BCKDHB: variants seen among roughly 807,000 people sequenced by gnomAD.
BCKDHB encodes the protein 2-oxoisovalerate dehydrogenase subunit beta, mitochondrial.
In BCKDHB, 41 loss-of-function variants were observed where a neutral mutation model predicts 48.5. The ratio of observed to expected loss-of-function variants is 0.85; its 90% CI spans 0.66 to 1.10. BCKDHB has a LOEUF of 1.10. Among genes scored for constraint, BCKDHB ranks in the 50% least tolerant of loss-of-function variants. The probability of loss-of-function intolerance (pLI) is 0.00; values close to 1 mark genes in which losing one functional copy is unlikely to be tolerated. For missense variants in BCKDHB, 496 were observed against 494.2 expected, an observed-to-expected ratio of 1.00 and a Z score of -0.03; for synonymous variants, 201 against 174.8, an observed-to-expected ratio of 1.15 and a Z score of -1.18.
At chr6:80,326,201 C>T (rs373872870) in intron 9 of BCKDHB, among the ~76,000 whole-genome samples, 2,952 of 147,868 alleles carry the variant, frequency 0.02, 88 homozygotes, top group African/African-American at 0.068. Context: ...CAAAATAAAA[C>T]GTTATTTTTA....
At chr6:80,428,772 C>A in the BCKDHB span, among the ~76,000 whole-genome samples, 15 of 151,994 alleles carry the variant, frequency 9.9e-5, no homozygotes, top group Non-Finnish European at 1.8e-4. Flanking sequence ...TGGATATTAG[C>A]CCTTTGTCAG....
At chr6:80,420,590 T>G in the BCKDHB span, among the ~76,000 whole-genome samples, 1 of 152,122 alleles carries the variant, frequency 6.6e-6, no homozygotes, top group Non-Finnish European at 1.5e-5. Context: ...AACTCATGTG[T>G]GTTGTGTGTG....
intron 9 of BCKDHB, among the ~76,000 whole-genome samples, chr6:80,285,808 T>G (rs1030605103): frequency 6.6e-6 from 1 of 152,160 alleles, no homozygotes; most frequent in Non-Finnish European, 1.5e-5. Flanking sequence ...TGAGGTTTGA[T>G]GTAGGCAAAT....
chr6:80,333,419 A>G (rs184054302), intron 9 of BCKDHB, among the ~76,000 whole-genome samples: 67 of 152,284 alleles, frequency 4.4e-4, no homozygotes, highest in Middle Eastern at 6.8e-3. Context: ...GGGTAACTAA[A>G]TAGCTGGGTT....
the BCKDHB span, among the ~76,000 whole-genome samples, chr6:80,394,066 C>T: frequency 7.2e-5 from 11 of 152,074 alleles, no homozygotes; most frequent in Admixed American, 6.6e-4. Flanking sequence ...TTTGAGAAAT[C>T]CTCTATTCAT....
intron 9 of BCKDHB, among the ~76,000 whole-genome samples, chr6:80,279,680 G>A (rs1446738237): frequency 1.3e-5 from 2 of 151,494 alleles, no homozygotes; most frequent in South Asian, 2.1e-4. Context: ...ACTCCAGTAT[G>A]CAGATCACAC....
At chr6:80,118,445 G>A (rs531069242) in intron 1 of BCKDHB, among the ~76,000 whole-genome samples, 1 of 152,068 alleles carries the variant, frequency 6.6e-6, no homozygotes, top group East Asian at 1.9e-4. Flanking sequence ...CTGGTGGAGG[G>A]TCTTGCCTTG....
the BCKDHB span, among the ~76,000 whole-genome samples, chr6:80,447,792 A>G: frequency 1.3e-5 from 2 of 152,150 alleles, no homozygotes; most frequent in African/African-American, 4.8e-5. Context: ...CAGTGCAACA[A>G]GAACTGGACT....
the BCKDHB span, among the ~76,000 whole-genome samples, chr6:80,403,764 T>G: frequency 6.6e-6 from 1 of 152,014 alleles, no homozygotes; most frequent in African/African-American, 2.4e-5. Flanking sequence ...CTATATCTAA[T>G]TGGTTGAGAG....
At chr6:80,164,724 T>A (rs1363865394) in intron 3 of BCKDHB, among the ~76,000 whole-genome samples, 1 of 152,184 alleles carries the variant, frequency 6.6e-6, no homozygotes, top group Non-Finnish European at 1.5e-5. Flanking sequence ...AGCCTTAGAG[T>A]GTTTAGTAAT....
chr6:80,234,793 T>A (rs974718722), intron 8 of BCKDHB, among the ~76,000 whole-genome samples: 1 of 151,896 alleles, frequency 6.6e-6, no homozygotes, highest in Non-Finnish European at 1.5e-5. Context: ...ACCTAAGGGC[T>A]CATCAGTGGA....
chr6:80,203,777 G>A (rs957552194), intron 8 of BCKDHB, among the ~76,000 whole-genome samples: 7 of 152,138 alleles, frequency 4.6e-5, no homozygotes, highest in Admixed American at 2.0e-4. Flanking sequence ...CATTGGTCTT[G>A]TTTTTACTAT....
chr6:80,189,552 A>G (rs1292112057), intron 6 of BCKDHB, among the ~76,000 whole-genome samples: 4 of 152,158 alleles, frequency 2.6e-5, no homozygotes, highest in Non-Finnish European at 5.9e-5. Flanking sequence ...CAGAATTTCA[A>G]ATTTAGAATA....
chr6:80,107,027 T>A, intron 1 of BCKDHB, 138 bp downstream of exon 1: 1 of 1,140,250 alleles, frequency 8.8e-7, no homozygotes, highest in Non-Finnish European at 1.3e-6. Flanking sequence ...GGAACCTCCT[T>A]GCCTCAGGGT....
At chr6:80,274,463 A>C (rs1451479581) in intron 9 of BCKDHB, among the ~76,000 whole-genome samples, 1 of 152,008 alleles carries the variant, frequency 6.6e-6, no homozygotes, top group Non-Finnish European at 1.5e-5. Context: ...GAGTAGCATA[A>C]TACAAAGATT....
At chr6:80,401,942 A>G in the BCKDHB span, among the ~76,000 whole-genome samples, 1 of 151,830 alleles carries the variant, frequency 6.6e-6, no homozygotes, top group Non-Finnish European at 1.5e-5. Flanking sequence ...TAAAAGCTAA[A>G]TAATATTCTA....
At chr6:80,144,658 T>A (rs1385618250) in intron 3 of BCKDHB, among the ~76,000 whole-genome samples, 1 of 152,130 alleles carries the variant, frequency 6.6e-6, no homozygotes, top group Non-Finnish European at 1.5e-5. Flanking sequence ...TCTGGCCAGA[T>A]TAACTTAATT....
chr6:80,318,511 A>ACCC (rs1190549056), intron 9 of BCKDHB, among the ~76,000 whole-genome samples: 1 of 151,942 alleles, frequency 6.6e-6, no homozygotes, highest in Non-Finnish European at 1.5e-5. Context: ...ATACGGTGAA[A>ACCC]CCCCATCTAC....
Position 80,136,348 on chromosome 6 carries a change from C to T in BCKDHB, c.343+7119C>T, listed in dbSNP as rs187591549. Among the ~76,000 whole-genome samples the T allele has an allele frequency of 1.7e-3, 259 of 152,130 alleles. 2 individuals carry two copies. Among genetic ancestry groups the T allele is most frequent in the African/African-American group, 5.4e-3 (226 of 41,508 alleles). On this transcript the variant is annotated intron_variant, in intron 3 of 9. Coordinates refer to ENST00000320393, the MANE Select transcript of BCKDHB (RefSeq NM_183050.4). ...TTAATTTTTGACAATGATGCCAATACCATTCAACAGGGGAAAGGACAGTCT... is the reference window on the plus strand; with the variant it reads ...TTAATTTTTGACAATGATGCCAATATCATTCAACAGGGGAAAGGACAGTCT...
Sources: gnomAD v4.1 joint callset for allele counts (sites outside exome capture counted in the v4.1 genomes callset) on GRCh38, gnomAD v4.1.1 for gene constraint, MANE v1.5 for transcripts, NCBI Gene and HGNC (gene_info 2026-07-23, HGNC 2026-07-21) for gene names.